The following ABHD6 variants were observed in gnomAD, a reference collection of about 807,000 sequenced individuals.
ABHD6 encodes the protein monoacylglycerol lipase ABHD6.
ABHD6 carries 33 observed loss-of-function variants against 38.8 expected under a neutral mutation model. That is an observed-to-expected ratio of 0.85 (90% CI 0.64 to 1.14). The LOEUF is 1.14. ABHD6 is among the 50% of genes most tolerant of loss of function. ABHD6 has a pLI of 0.00. For missense variants in ABHD6, 380 were observed against 422.6 expected (o/e 0.90, Z 0.88); for synonymous variants, 147 against 161.6 (o/e 0.91, Z 0.69).
In ABHD6 at chr3:58,251,182, T is replaced by C. The variant is rs2097429667; in HGVS notation, c.-26+1240T>C. Among the ~76,000 whole-genome samples, 1 of 152,046 alleles carries C rather than the reference T, an allele frequency of 6.6e-6. No homozygotes were observed. Among genetic ancestry groups the C allele is most frequent in the Non-Finnish European group, 1.5e-5 (1 of 67,994 alleles). On this transcript the variant is annotated intron_variant, in intron 2 of 9. Coordinates refer to ENST00000478253, the MANE Select transcript of ABHD6 (RefSeq NM_001320126.2). This position sits in a 1 kb window ranked among gnomAD's most constrained non-coding sequence, Gnocchi z 5.4. ...AAAGACAAAAATTAGCTAGGCATGG[T>C]GGCAGATGCCTGTAATCCCAGCTAC... is the stretch of plus-strand genomic sequence containing the variant.
intron 3 of ABHD6, among the ~76,000 whole-genome samples, chr3:58,261,112 G>A (rs2097436646): frequency 6.6e-6 from 1 of 152,162 alleles, no homozygotes; most frequent in Admixed American, 6.5e-5. Flanking sequence ...TTCACAAGAT[G>A]AGAAAGACTG....
rs2097441614 is a variant in ABHD6 at position 58,267,195 on chromosome 3, G to A, written c.126G>A (p.Trp42Ter). Reference protein sequence around the residue: ...SALIRIYYWYWRRTLGMQVRY... With the variant: ...SALIRIYYWY ...TATTTCTCACCCCTTCCAGGTACTGGCGGAGGACATTGGGCATGCAAGTCC... is the reference window on the plus strand; with the variant it reads ...TATTTCTCACCCCTTCCAGGTACTGACGGAGGACATTGGGCATGCAAGTCC... The change falls in exon 4 of 10, where the codon TGG (tryptophan) becomes TGA (stop). Residue 42 changes from tryptophan (W) to a stop codon, truncating the protein, a stop_gained. Coordinates refer to ENST00000478253, the MANE Select transcript of ABHD6 (RefSeq NM_001320126.2). LOFTEE classifies it high-confidence loss of function. The surrounding 1 kb of genome is among the most constrained non-coding windows in gnomAD (Gnocchi z 4.3). 1 of 1,613,870 alleles carries A rather than the reference G, an allele frequency of 6.2e-7. No individual in the cohort carries two copies. Among genetic ancestry groups the A allele is most frequent in the South Asian group, 1.1e-5 (1 of 91,062 alleles).
At position 58,257,213 on chromosome 3, in the gene ABHD6, G is replaced by T. The variant is rs1484908771; in HGVS notation, c.119+508G>T. On this transcript the variant is annotated intron_variant, in intron 3 of 9. Transcript: ENST00000478253. This position sits in a 1 kb window ranked among gnomAD's most constrained non-coding sequence, Gnocchi z 4.8. ...TGAGCCATCATACCCGGCCCTTTTA[G>T]GTTTCTGATAGCATCTTTCTCCACC... Among the ~76,000 whole-genome samples the T allele has an allele frequency of 6.6e-6, 1 of 151,826 alleles. No homozygotes were observed. The highest frequency in any genetic ancestry group is 1.5e-5 in the Non-Finnish European group (1 of 67,936).
chr3:58,241,403 C>T (rs79462897), intron 1 of ABHD6, among the ~76,000 whole-genome samples: 44 of 152,254 alleles, frequency 2.9e-4, no homozygotes, highest in African/African-American at 9.9e-4. Context: ...AGCTTCTGTG[C>T]GGCTCTCTGG....
At chr3:58,255,314 T>G (rs1575517308) in intron 2 of ABHD6, among the ~76,000 whole-genome samples, 2 of 152,316 alleles carry the variant, frequency 1.3e-5, no homozygotes, top group East Asian at 3.9e-4. Context: ...CATAACAACT[T>G]AAAAGTTTTA....
chr3:58,279,296 G>A (rs2097451131), intron 7 of ABHD6, among the ~76,000 whole-genome samples: 1 of 152,160 alleles, frequency 6.6e-6, no homozygotes, highest in South Asian at 2.1e-4. Flanking sequence ...TGTATTGGGT[G>A]CATATATATT....
rs1218649103 is a variant in ABHD6 at position 58,266,196 on chromosome 3, C to CTTGGGTT, written c.120-993_120-992insTTGGGTT. Among the ~76,000 whole-genome samples the CTTGGGTT allele has an allele frequency of 6.6e-6, 1 of 152,146 alleles. No individual in the cohort carries two copies. ...GTTTAACCAGCTGGACGTCTGTAACCCAAGCACTTTGGGAGGCCAACGTGG... is the reference window on the plus strand; with the variant it reads ...GTTTAACCAGCTGGACGTCTGTAACCTTGGGTTCAAGCACTTTGGGAGGCCAACGTGG... On this transcript the variant is annotated intron_variant, in intron 3 of 9. Transcript: ENST00000478253. The surrounding 1 kb of genome is among the most constrained non-coding windows in gnomAD (Gnocchi z 4.0).
At chr3:58,241,628 G>A (rs949401716) in intron 1 of ABHD6, among the ~76,000 whole-genome samples, 1 of 152,162 alleles carries the variant, frequency 6.6e-6, no homozygotes, top group Non-Finnish European at 1.5e-5. Context: ...GGATTCATAC[G>A]TTACATATGA....
At chr3:58,252,242 T>TG (rs1193753348) in intron 2 of ABHD6, among the ~76,000 whole-genome samples, 11 of 145,382 alleles carry the variant, frequency 7.6e-5, no homozygotes, top group South Asian at 2.2e-4. Context: ...TTTTTTTTTT[T>TG]TTTTTTTTTT....
At chr3:58,279,867 A>T (rs572052761) in intron 7 of ABHD6, among the ~76,000 whole-genome samples, 65 of 152,324 alleles carry the variant, frequency 4.3e-4, no homozygotes, top group African/African-American at 1.5e-3. Flanking sequence ...TTGGCTGGAT[A>T]TGAAATTCTG....
Position 58,293,552 on chromosome 3 carries a change from C to A in ABHD6, c.838-37C>A. 6.2e-7 allele frequency: 1 copy of A among 1,607,106 alleles called. No individual in the cohort carries two copies. The highest frequency in any genetic ancestry group is 1.1e-5 in the South Asian group (1 of 90,504). On this transcript the variant is annotated intron_variant, in intron 9 of 9. Coordinates refer to ENST00000478253, the MANE Select transcript of ABHD6 (RefSeq NM_001320126.2). This position sits in a 1 kb window ranked among gnomAD's most constrained non-coding sequence, Gnocchi z 4.4. ...AGAGTGCACACGTGGGTGTCTGAAT[C>A]TTTGTGTATCATCCAGCTCCCTTTC...
In ABHD6 at chr3:58,269,218, G is replaced by C. The variant is rs903663218; in HGVS notation, c.277-103G>C. ...AGTGGCCAAGACCCATACATCCCCA[G>C]GGATGGCTGTCTGGGTCACTGTACA... On this transcript the variant is annotated intron_variant, in intron 4 of 9. Coordinates refer to ENST00000478253, the MANE Select transcript of ABHD6 (RefSeq NM_001320126.2). This position sits in a 1 kb window ranked among gnomAD's most constrained non-coding sequence, Gnocchi z 4.4. The C allele has an allele frequency of 7.9e-6, 6 of 759,044 alleles. No individual in the cohort carries two copies. In the Admixed American group the frequency reaches 1.3e-4, roughly 16 times the overall value. 47.0% of individuals were successfully genotyped at this position (759,044 alleles called of 1,614,324 possible).
chr3:58,260,595 C>T (rs1293787175), intron 3 of ABHD6, among the ~76,000 whole-genome samples: 1 of 152,168 alleles, frequency 6.6e-6, no homozygotes, highest in Non-Finnish European at 1.5e-5. Context: ...CACCATGAGT[C>T]ACTTATATCC....
At chr3:58,290,696 A>C (rs1402727558) in intron 9 of ABHD6, among the ~76,000 whole-genome samples, 1 of 146,198 alleles carries the variant, frequency 6.8e-6, no homozygotes, top group Non-Finnish European at 1.5e-5. Flanking sequence ...CTCACCTCCC[A>C]GACGGGGTCG....
chr3:58,271,456 G>C (rs983955306), intron 6 of ABHD6, among the ~76,000 whole-genome samples: 7 of 152,042 alleles, frequency 4.6e-5, no homozygotes, highest in African/African-American at 1.7e-4. Context: ...TACGAGCTAA[G>C]CTCTTTATAT....
chr3:58,245,039 T>C (rs944458490), intron 1 of ABHD6, among the ~76,000 whole-genome samples: 4 of 152,188 alleles, frequency 2.6e-5, no homozygotes, highest in African/African-American at 2.4e-5. Flanking sequence ...TGCTAGACTT[T>C]GTGCTGGGAG....
Position 58,256,815 on chromosome 3 carries a change from CAGAG to C in ABHD6, c.119+114_119+117del. ...ACATTTTATCAGGAAGTATTTCAGACAGAGAGAAAAGTTGAAAGGTACTCATCCT... is the reference window on the plus strand; with the variant it reads ...ACATTTTATCAGGAAGTATTTCAGACAGAAAAGTTGAAAGGTACTCATCCT... On this transcript the variant is annotated intron_variant, in intron 3 of 9. Coordinates refer to ENST00000478253, the MANE Select transcript of ABHD6 (RefSeq NM_001320126.2). This position sits in a 1 kb window ranked among gnomAD's most constrained non-coding sequence, Gnocchi z 4.3. 1.1e-6 allele frequency: 1 copy of C among 947,862 alleles called. No homozygotes were observed. Among genetic ancestry groups the C allele is most frequent in the Non-Finnish European group, 1.6e-6 (1 of 619,314 alleles). The allele number at this position is 947,862 out of a possible 1,614,324, so 58.7% of individuals were successfully genotyped here. A position where few individuals can be genotyped will look rare whatever the true frequency, so the allele number is the denominator to read the frequency against.
Position 58,256,222 on chromosome 3 carries a change from C to T in ABHD6, c.-25-340C>T, listed in dbSNP as rs905567120. On this transcript the variant is annotated intron_variant, in intron 2 of 9. Transcript: ENST00000478253. This position sits in a 1 kb window ranked among gnomAD's most constrained non-coding sequence, Gnocchi z 4.3. Reference sequence around the variant, plus strand: ...TCCTAAAAGGGAAGATATTCTCCTACATACATACATAATCACAATTTCATC... The same window carrying T: ...TCCTAAAAGGGAAGATATTCTCCTATATACATACATAATCACAATTTCATC... 4.6e-5 allele frequency among the ~76,000 whole-genome samples: 7 copies of T among 152,158 alleles called. No individual in the cohort carries two copies. Among genetic ancestry groups the T allele is most frequent in the African/African-American group, 7.2e-5 (3 of 41,432 alleles).
rs997258271 is a variant in ABHD6, at chr3:58,267,087, T to C, written c.120-102T>C. The C allele has an allele frequency of 7.9e-7, 1 of 1,266,640 alleles. No homozygotes were observed. Among genetic ancestry groups the C allele is most frequent in the African/African-American group, 1.5e-5 (1 of 66,890 alleles). The allele number at this position is 1,266,640 out of a possible 1,614,324, so 78.5% of individuals were successfully genotyped here. On this transcript the variant is annotated intron_variant, in intron 3 of 9. Coordinates refer to ENST00000478253, the MANE Select transcript of ABHD6 (RefSeq NM_001320126.2). The surrounding 1 kb of genome is among the most constrained non-coding windows in gnomAD (Gnocchi z 4.3). ...GACAAGGGCTGGAGAAGTGTTTGTG[T>C]TATCACTAAGGAAGACTTATAGAGA...
Sources: gnomAD v4.1 joint callset for allele counts (sites outside exome capture counted in the v4.1 genomes callset) on GRCh38, gnomAD v4.1.1 for gene constraint, Gnocchi (gnomAD v3.1) non-coding constraint, MANE v1.5 for transcripts, NCBI Gene and HGNC (gene_info 2026-07-23, HGNC 2026-07-21) for gene names.